AGTPBP1: variants seen among roughly 807,000 people sequenced by gnomAD.
AGTPBP1 encodes the protein cytosolic carboxypeptidase 1.
In AGTPBP1, 70 loss-of-function variants were observed where a neutral mutation model predicts 143.9. That is an observed-to-expected ratio of 0.49 (90% CI 0.40 to 0.59). The LOEUF (loss-of-function observed/expected upper bound fraction) is 0.59. AGTPBP1 is among the 20% of genes least tolerant of loss of function. The pLI is 0.00. For missense variants in AGTPBP1, 1,229 were observed against 1,464.5 expected (o/e 0.84, Z 2.62); for synonymous variants, 463 against 500.2 (o/e 0.93, Z 0.99).
At chr9:85,617,190 T>C (rs1205432433) in intron 17 of AGTPBP1, among the ~76,000 whole-genome samples, 1 of 152,138 alleles carries the variant, frequency 6.6e-6, no homozygotes, top group African/African-American at 2.4e-5. Context: ...TCCCCTTAAA[T>C]AGCATTATCA....
chr9:85,610,622 T>C (rs111519114), intron 17 of AGTPBP1, among the ~76,000 whole-genome samples: 1,597 of 151,914 alleles, frequency 0.011, 35 homozygotes, highest in African/African-American at 0.036. Context: ...ACTTAAATAG[T>C]ACCCCAACCG....
At chr9:85,619,375 T>C in intron 15 of AGTPBP1, 74 bp from the exon 16 acceptor site, 1 of 1,101,044 alleles carries the variant, frequency 9.1e-7, no homozygotes, top group Non-Finnish European at 1.3e-6. Flanking sequence ...TAAATAAAAT[T>C]ATAATTAAAA....
At chr9:85,728,422 G>C (rs1411646732) in intron 1 of AGTPBP1, among the ~76,000 whole-genome samples, 1 of 152,004 alleles carries the variant, frequency 6.6e-6, no homozygotes, top group Non-Finnish European at 1.5e-5. Context: ...GAGATTTACT[G>C]ATCTACCCCT....
chr9:85,777,439 G>A, the AGTPBP1 span, among the ~76,000 whole-genome samples: 1 of 152,218 alleles, frequency 6.6e-6, no homozygotes, highest in Non-Finnish European at 1.5e-5. Context: ...GCACTCAGCA[G>A]TGGCCGTAGC....
chr9:85,687,048 C>T (rs1265745665), intron 3 of AGTPBP1, among the ~76,000 whole-genome samples: 3 of 151,948 alleles, frequency 2.0e-5, no homozygotes, highest in East Asian at 1.9e-4. Context: ...AAAAAAGGTA[C>T]GATATGCAAA....
intron 11 of AGTPBP1, among the ~76,000 whole-genome samples, chr9:85,647,505 A>G (rs982067958): frequency 6.6e-6 from 1 of 152,192 alleles, no homozygotes; most frequent in Non-Finnish European, 1.5e-5. Context: ...ATGAGGAATG[A>G]GGTGGCTCAT....
At chr9:85,644,814 T>C (rs950797761) in intron 12 of AGTPBP1, among the ~76,000 whole-genome samples, 7 of 151,926 alleles carry the variant, frequency 4.6e-5, no homozygotes, top group African/African-American at 1.7e-4. Flanking sequence ...CACTATGATG[T>C]AGCAGTTCAC....
At chr9:85,670,962 G>A (rs1178277957) in intron 7 of AGTPBP1, among the ~76,000 whole-genome samples, 1 of 152,024 alleles carries the variant, frequency 6.6e-6, no homozygotes, top group Non-Finnish European at 1.5e-5. Flanking sequence ...TTGTTTTTGA[G>A]ACAGGGTCCT....
At chr9:85,649,874 A>G (rs762575704) in intron 11 of AGTPBP1, among the ~76,000 whole-genome samples, 1 of 152,132 alleles carries the variant, frequency 6.6e-6, no homozygotes, top group African/African-American at 2.4e-5. Context: ...CTTAAAAATC[A>G]TCTTTACTTG....
At chr9:85,562,610 T>C (rs1437583195) in intron 25 of AGTPBP1, among the ~76,000 whole-genome samples, 1 of 152,210 alleles carries the variant, frequency 6.6e-6, no homozygotes, top group Non-Finnish European at 1.5e-5. Flanking sequence ...TAAAACTAAA[T>C]TTATCTTTCA....
At chr9:85,689,544 A>G (rs975584808) in intron 3 of AGTPBP1, among the ~76,000 whole-genome samples, 7 of 152,304 alleles carry the variant, frequency 4.6e-5, no homozygotes, top group East Asian at 1.9e-4. Context: ...GACATCACAA[A>G]TAATGCCACA....
intron 1 of AGTPBP1, among the ~76,000 whole-genome samples, chr9:85,730,507 C>A (rs1033115189): frequency 1.3e-5 from 2 of 152,146 alleles, no homozygotes; most frequent in Non-Finnish European, 2.9e-5. Context: ...GTTCTTCTAC[C>A]ACCAGGCTCC....
the AGTPBP1 span, among the ~76,000 whole-genome samples, chr9:85,770,689 A>T: frequency 1.3e-5 from 2 of 152,204 alleles, no homozygotes; most frequent in African/African-American, 4.8e-5. Flanking sequence ...TGTAGGCCTA[A>T]CTTTGTGAGG....
At chr9:85,657,303 C>T in intron 10 of AGTPBP1, 132 bp downstream of exon 10, 1 of 771,422 alleles carries the variant, frequency 1.3e-6, no homozygotes, top group Non-Finnish European at 2.0e-6. Context: ...GTGTCTTTTA[C>T]TTTTAAGATT....
At chr9:85,614,071 T>C (rs895668896) in intron 17 of AGTPBP1, among the ~76,000 whole-genome samples, 2 of 152,090 alleles carry the variant, frequency 1.3e-5, no homozygotes, top group African/African-American at 4.8e-5. Flanking sequence ...ATTTTTATTT[T>C]TAGAAATAGA....
At chr9:85,714,107 A>G (rs1344287847) in intron 1 of AGTPBP1, among the ~76,000 whole-genome samples, 1 of 152,250 alleles carries the variant, frequency 6.6e-6, no homozygotes, top group East Asian at 1.9e-4. Context: ...ATTTCAACAG[A>G]TAAGAAATGA....
At chr9:85,669,945 G>T (rs1263305949) in intron 7 of AGTPBP1, among the ~76,000 whole-genome samples, 1 of 152,144 alleles carries the variant, frequency 6.6e-6, no homozygotes, top group Non-Finnish European at 1.5e-5. Context: ...AGTGTAGAGA[G>T]AATGACAGAA....
At chr9:85,668,968 TGTG>T (rs1221432023) in intron 8 of AGTPBP1, among the ~76,000 whole-genome samples, 2 of 13,378 alleles carry the variant, frequency 1.5e-4, no homozygotes, top group Non-Finnish European at 2.6e-4. Flanking sequence ...CATACATACA[TGTG>T]TGTGTGTGTG....
At chr9:85,596,611 T>A (rs1036854074) in intron 17 of AGTPBP1, among the ~76,000 whole-genome samples, 162 bp from the exon 18 acceptor site, 36 of 152,198 alleles carry the variant, frequency 2.4e-4, no homozygotes, top group Admixed American at 2.3e-3. Flanking sequence ...TTCTTAAACA[T>A]CCCAAGTCAA....
Sources: gnomAD v4.1 joint callset for allele counts (sites outside exome capture counted in the v4.1 genomes callset) on GRCh38, gnomAD v4.1.1 for gene constraint, MANE v1.5 for transcripts, NCBI Gene and HGNC (gene_info 2026-07-23, HGNC 2026-07-21) for gene names.